Variants in IGSF5 observed in about 807,000 individuals in gnomAD.
The protein encoded by IGSF5 is immunoglobulin superfamily 5 like.
IGSF5 carries 41 observed loss-of-function variants against 39.4 expected under a neutral mutation model. That is an observed-to-expected ratio of 1.04 (90% CI 0.81 to 1.35). IGSF5 has a LOEUF of 1.35. IGSF5 is among the 40% of genes most tolerant of loss of function. IGSF5 has a pLI of 0.00. For missense variants in IGSF5, 487 were observed against 494.6 expected (o/e 0.98, Z 0.15); for synonymous variants, 183 against 175.3 (o/e 1.04, Z -0.34).
chr21:39,752,169 G>A (rs374491854), intron 2 of IGSF5, among the ~76,000 whole-genome samples: 29 of 152,110 alleles, frequency 1.9e-4, no homozygotes, highest in African/African-American at 4.6e-4. Flanking sequence ...CCCTCACCCC[G>A]TTCCTCCCTG....
At chr21:39,757,801 T>C (rs1391659753) in intron 2 of IGSF5, among the ~76,000 whole-genome samples, 1 of 152,132 alleles carries the variant, frequency 6.6e-6, no homozygotes, top group Non-Finnish European at 1.5e-5. Context: ...GATCTCGAAC[T>C]CCTGACCTCA....
the IGSF5 span, chr21:39,726,203 C>T: frequency 6.6e-6 from 1 of 151,916 alleles, no homozygotes; most frequent in Admixed American, 6.6e-5. Context: ...GGAGGAGAGA[C>T]CACGAAGTCA....
Position 39,796,438 on chromosome 21 carries a change from G to A in IGSF5, c.1128+2825G>A, listed in dbSNP as rs894773517. Among the ~76,000 whole-genome samples, 4 of 152,160 alleles carry A rather than the reference G, an allele frequency of 2.6e-5. No individual in the cohort carries two copies. The East Asian group carries it at 5.8e-4, about 22-fold the overall frequency. ...TCCAAGGTGTGAAAACAATGCAGTCGTGCCTTCTTTTCTCAAAACTTTCTC... is the reference window on the plus strand; with the variant it reads ...TCCAAGGTGTGAAAACAATGCAGTCATGCCTTCTTTTCTCAAAACTTTCTC... On this transcript the variant is annotated intron_variant, in intron 8 of 8. Coordinates refer to ENST00000380588, the MANE Select transcript of IGSF5 (RefSeq NM_001080444.2).
chr21:39,786,690 A>G (rs1215932100), intron 5 of IGSF5, among the ~76,000 whole-genome samples: 2 of 152,116 alleles, frequency 1.3e-5, no homozygotes, highest in Non-Finnish European at 2.9e-5. Flanking sequence ...TCACAATAGC[A>G]AAGACTTGGA....
rs765746878 is a variant in IGSF5, at chr21:39,765,804, AGCCTCCAGAACAGTC to A, written c.375_389del (p.Gln126_Leu130del). On this transcript the variant is annotated inframe_deletion, in exon 3 of 9. Coordinates refer to ENST00000380588, the MANE Select transcript of IGSF5 (RefSeq NM_001080444.2). ...CAGTGATTCGGGGAACATCAGATGC[AGCCTCCAGAACAGTC>A]GCCTGCATGGATCTGCTTACCTTAC... The A allele has an allele frequency of 6.2e-7, 1 of 1,614,116 alleles. No individual in the cohort carries two copies. Among genetic ancestry groups the A allele is most frequent in the Non-Finnish European group, 8.5e-7 (1 of 1,180,006 alleles).
the IGSF5 span, among the ~76,000 whole-genome samples, chr21:39,715,006 TCTTCCTTCCTTC>T: frequency 6.6e-6 from 1 of 151,276 alleles, no homozygotes; most frequent in Non-Finnish European, 1.5e-5. Flanking sequence ...GGGCCAGGAC[TCTTCCTTCCTTC>T]CTTCCTTCCT....
chr21:39,767,005 G>C (rs1442730196), intron 3 of IGSF5, among the ~76,000 whole-genome samples: 1 of 152,138 alleles, frequency 6.6e-6, no homozygotes, highest in Non-Finnish European at 1.5e-5. Context: ...CTAAATTGGT[G>C]TGTCTTACTT....
At position 39,779,228 on chromosome 21, in the gene IGSF5, G is replaced by T. The variant is rs775043014; in HGVS notation, c.857G>T (p.Arg286Leu). 2.5e-6 allele frequency: 4 copies of T among 1,611,394 alleles called. No homozygotes were observed. In the South Asian group the frequency reaches 4.4e-5, roughly 18 times the overall value. Reference sequence around the variant, plus strand: ...ACGCCGACGTGTACTCTTACAATACGCTGCTGCTGCTGCCGCCGTCGTTGT... The same window carrying T: ...ACGCCGACGTGTACTCTTACAATACTCTGCTGCTGCTGCCGCCGTCGTTGT... ...LLTPTCTLTI[R>L]CCCCRRRCCG... The change falls in exon 5 of 9, where the codon CGC (arginine) becomes CTC (leucine). Residue 286 changes from arginine (R) to leucine (L), a missense_variant. By Grantham distance (102) the Arg-to-Leu change is moderately radical. Coordinates refer to ENST00000380588, the MANE Select transcript of IGSF5 (RefSeq NM_001080444.2).
intron 2 of IGSF5, among the ~76,000 whole-genome samples, chr21:39,747,515 T>A (rs1022763194): frequency 6.6e-5 from 10 of 152,206 alleles, no homozygotes; most frequent in South Asian, 2.1e-4. Flanking sequence ...CAACACTGAC[T>A]TAGCAGAACT....
At chr21:39,748,411 A>G (rs982413109) in intron 2 of IGSF5, among the ~76,000 whole-genome samples, 6 of 138,842 alleles carry the variant, frequency 4.3e-5, no homozygotes, top group Admixed American at 3.4e-4. Context: ...CCTGGGTTCA[A>G]ACAATTCTCC....
intron 2 of IGSF5, chr21:39,751,313 G>T (rs1442007291): frequency 2.0e-5 from 3 of 152,298 alleles, no homozygotes; most frequent in Admixed American, 6.5e-5. Context: ...CCTCCAAAGG[G>T]TTTACCTGTC....
rs4818092 is a variant in IGSF5, at chr21:39,780,714, C to T, written c.934+1409C>T. Among the ~76,000 whole-genome samples the T allele has an allele frequency of 1.6e-3, 251 of 152,124 alleles. 2 individuals carry two copies. Among genetic ancestry groups the T allele is most frequent in the African/African-American group, 4.9e-3 (202 of 41,456 alleles). On this transcript the variant is annotated intron_variant, in intron 5 of 8. Coordinates refer to ENST00000380588, the MANE Select transcript of IGSF5 (RefSeq NM_001080444.2). The stretch of plus-strand genomic sequence containing the variant: ...CGTATGAAAGCAGTAGCCTTGCTTG[C>T]GGTTGGGATCAATGGTGAGGTGGGC...
the IGSF5 span, among the ~76,000 whole-genome samples, chr21:39,719,910 A>G: frequency 6.6e-6 from 1 of 152,226 alleles, no homozygotes; most frequent in Non-Finnish European, 1.5e-5. Context: ...TCACGAAGCA[A>G]TCCTTGGCAA....
intron 6 of IGSF5, among the ~76,000 whole-genome samples, chr21:39,791,292 T>G (rs150677046): frequency 1.1e-3 from 174 of 152,360 alleles, no homozygotes; most frequent in African/African-American, 4.1e-3. Context: ...GGCACTCGGT[T>G]GTTTGCAGTT....
At position 39,753,602 on chromosome 21, in the gene IGSF5, C is replaced by T. The variant is rs530881597; in HGVS notation, c.100+7304C>T. 7.2e-5 allele frequency among the ~76,000 whole-genome samples: 11 copies of T among 152,252 alleles called. No individual in the cohort carries two copies. The South Asian group carries it at 2.3e-3, about 32-fold the overall frequency. On this transcript the variant is annotated intron_variant, in intron 2 of 8. Coordinates refer to ENST00000380588, the MANE Select transcript of IGSF5 (RefSeq NM_001080444.2). ...GAAGTCCCCCACTATTATTGTGTTG[C>T]TGTCTGTCTAATATTGTAGGTCTAG...
rs750812671 is a variant in IGSF5 at position 39,765,672 on chromosome 21, AGCGTCAG to A, written c.241_247del (p.Val81ProfsTer26). 65 of 1,614,090 alleles carry A rather than the reference AGCGTCAG, an allele frequency of 4.0e-5. No homozygotes were observed. Among genetic ancestry groups the A allele is most frequent in the East Asian group, 3.6e-4 (16 of 44,864 alleles). Reference sequence around the variant, plus strand: ...GGCTCTCAGTGACATGGTGGTGCTAAGCGTCAGGCCCATGGAGCCCATCATCACCAAT... The same window carrying A: ...GGCTCTCAGTGACATGGTGGTGCTAAGCCCATGGAGCCCATCATCACCAAT... On this transcript the variant is annotated frameshift_variant, in exon 3 of 9. Coordinates refer to ENST00000380588, the MANE Select transcript of IGSF5 (RefSeq NM_001080444.2). LOFTEE classifies it high-confidence loss of function.
At chr21:39,758,088 A>C (rs1466591799) in intron 2 of IGSF5, among the ~76,000 whole-genome samples, 1 of 152,092 alleles carries the variant, frequency 6.6e-6, no homozygotes, top group Admixed American at 6.5e-5. Flanking sequence ...TGCAGGGCTG[A>C]GGGAAAGCTG....
upstream of IGSF5, among the ~76,000 whole-genome samples, chr21:39,743,188 T>C (rs906861529): frequency 3.3e-5 from 5 of 152,234 alleles, no homozygotes; most frequent in Non-Finnish European, 7.3e-5. Flanking sequence ...GGGTCTACAC[T>C]GGGGACTGCC....
At chr21:39,725,893 GT>G in the IGSF5 span, 1 of 152,190 alleles carries the variant, frequency 6.6e-6, no homozygotes, top group African/African-American at 2.4e-5. Flanking sequence ...ACTGATGGAA[GT>G]TTCAGAGGCT....
Sources: allele counts gnomAD v4.1 joint callset (sites outside exome capture counted in the v4.1 genomes callset), GRCh38; gene constraint gnomAD v4.1.1; transcripts MANE v1.5; gene names NCBI Gene and HGNC (gene_info 2026-07-23, HGNC 2026-07-21).